The following GLIS3 variants were observed in gnomAD, a reference collection of about 807,000 sequenced individuals.
The protein encoded by GLIS3 is GLIS family zinc finger 3.
GLIS3 carries 53 observed loss-of-function variants against 78.6 expected under a neutral mutation model. The observed-to-expected ratio is 0.67, with a 90% CI of 0.54 to 0.85. The LOEUF (loss-of-function observed/expected upper bound fraction) is 0.85. GLIS3 is among the 40% of genes least tolerant of loss of function. The pLI is 0.00. For missense variants in GLIS3, 1,703 were observed against 1,231.1 expected, an observed-to-expected ratio of 1.38 and a Z score of -5.74; for synonymous variants, 684 against 509.9, an observed-to-expected ratio of 1.34 and a Z score of -4.60.
chr9:4,293,774 T>G (rs561531034), intron 1 of GLIS3, among the ~76,000 whole-genome samples: 1 of 152,344 alleles, frequency 6.6e-6, no homozygotes, highest in African/African-American at 2.4e-5. Flanking sequence ...GGACAGGATC[T>G]GATCTTGCAT....
chr9:4,051,046 G>A (rs988633045), intron 4 of GLIS3, among the ~76,000 whole-genome samples: 2 of 152,204 alleles, frequency 1.3e-5, no homozygotes, highest in African/African-American at 4.8e-5. Flanking sequence ...TAAGGCACAT[G>A]TTTCAGAGGA....
chr9:3,849,227 G>A (rs1224036555), intron 9 of GLIS3, among the ~76,000 whole-genome samples: 1 of 152,216 alleles, frequency 6.6e-6, no homozygotes, highest in African/African-American at 2.4e-5. Context: ...GACTTCCAAG[G>A]AAGGATATGA....
At chr9:4,333,585 T>C (rs951267070) in intron 2 of GLIS3, among the ~76,000 whole-genome samples, 2 of 152,138 alleles carry the variant, frequency 1.3e-5, no homozygotes, top group Admixed American at 6.5e-5. Context: ...CATGAAACAA[T>C]AGTTCAGAAA....
chr9:3,952,616 G>A (rs771572644), intron 4 of GLIS3, among the ~76,000 whole-genome samples: 9 of 151,994 alleles, frequency 5.9e-5, no homozygotes, highest in Admixed American at 1.3e-4. Context: ...ACAAATTCTG[G>A]GATTGATGAA....
At chr9:4,474,077 TC>T in the GLIS3 span, among the ~76,000 whole-genome samples, 1 of 152,198 alleles carries the variant, frequency 6.6e-6, no homozygotes, top group African/African-American at 2.4e-5. Context: ...AAAGTGTTTT[TC>T]TGTGTACATC....
the GLIS3 span, among the ~76,000 whole-genome samples, chr9:4,462,063 T>C: frequency 2.6e-5 from 4 of 152,236 alleles, no homozygotes; most frequent in African/African-American, 9.6e-5. Flanking sequence ...TGAGTTGGCA[T>C]GTCTGTGTTA....
At chr9:3,854,543 C>CTTTTT (rs34558832) in intron 9 of GLIS3, among the ~76,000 whole-genome samples, 1 of 145,658 alleles carries the variant, frequency 6.9e-6, no homozygotes, top group Admixed American at 6.8e-5. Flanking sequence ...CGTTGATGTT[C>CTTTTT]TTTTTTTTTT....
At chr9:4,206,107 C>T (rs1819857826) in intron 2 of GLIS3, among the ~76,000 whole-genome samples, 1 of 152,158 alleles carries the variant, frequency 6.6e-6, no homozygotes, top group South Asian at 2.1e-4. Context: ...CCCCCATTTT[C>T]AAATTATGAA....
intron 2 of GLIS3, among the ~76,000 whole-genome samples, chr9:4,229,539 G>A (rs773455993): frequency 4.6e-5 from 7 of 152,278 alleles, no homozygotes; most frequent in Non-Finnish European, 7.3e-5. Context: ...ATCCTTAAAC[G>A]TAAAGTATTC....
intron 4 of GLIS3, among the ~76,000 whole-genome samples, chr9:3,955,546 T>C (rs181493837): frequency 6.6e-6 from 1 of 152,130 alleles, no homozygotes; most frequent in East Asian, 1.9e-4. Context: ...AAAAACATCA[T>C]ACCAATGAAA....
In GLIS3 at chr9:4,118,558, G is replaced by T; in HGVS notation, c.920C>A (p.Pro307Gln). ...RSKKRALSLS[P>Q]LSDGIGIDFN... is the part of the protein sequence containing the mutation. ...ATCTATCCCGATGCCATCGGACAGC[G>T]GGGACAAGGACAGCGCTCTCTTCTT... The change falls in exon 4 of 11, where the codon CCG (proline) becomes CAG (glutamine). Residue 307 changes from proline to glutamine, a missense_variant. Transcript: ENST00000381971. This position sits in a 1 kb window ranked among gnomAD's most constrained non-coding sequence, Gnocchi z 4.7. 2 of 1,614,254 alleles carry T rather than the reference G, an allele frequency of 1.2e-6. No individual in the cohort carries two copies. Among genetic ancestry groups the T allele is most frequent in the South Asian group, 2.2e-5 (2 of 91,090 alleles).
Position 4,118,224 on chromosome 9 carries a change from C to T in GLIS3, c.1254G>A (p.Pro418=). ...GGCCGGCCGACTGGCTGTCGGGGCCCGGCAGGCCATGCTGCACCACCATGT... is the reference window on the plus strand; with the variant it reads ...GGCCGGCCGACTGGCTGTCGGGGCCTGGCAGGCCATGCTGCACCACCATGT... The part of the protein sequence containing the change: ...VNHMVVQHGL[P]GPDSQSAGLF... Residue 418 remains proline, a synonymous_variant, in exon 4 of 11, where the codon CCG becomes CCA. Coordinates refer to ENST00000381971, the MANE Select transcript of GLIS3 (RefSeq NM_001042413.2). This position sits in a 1 kb window ranked among gnomAD's most constrained non-coding sequence, Gnocchi z 4.7. 2 of 1,586,222 alleles carry T rather than the reference C, an allele frequency of 1.3e-6. No homozygotes were observed. Among genetic ancestry groups the T allele is most frequent in the Non-Finnish European group, 1.7e-6 (2 of 1,166,588 alleles).
At chr9:4,410,739 G>T in the GLIS3 span, among the ~76,000 whole-genome samples, 1 of 152,194 alleles carries the variant, frequency 6.6e-6, no homozygotes, top group African/African-American at 2.4e-5. Flanking sequence ...GCATTACTCT[G>T]ATAGGTACTC....
rs192580066 is a variant in GLIS3 at position 3,910,877 on chromosome 9, C to G, written c.1984-12042G>C. ...ACTTACTAAAACATCAGTCCCTGCTCTCTCATATAACATGTTATTCCATTC... is the reference window on the plus strand; with the variant it reads ...ACTTACTAAAACATCAGTCCCTGCTGTCTCATATAACATGTTATTCCATTC... On this transcript the variant is annotated intron_variant, in intron 6 of 10. Coordinates refer to ENST00000381971, the MANE Select transcript of GLIS3 (RefSeq NM_001042413.2). Among the ~76,000 whole-genome samples, 394 of 152,344 alleles carry G rather than the reference C, an allele frequency of 2.6e-3. 1 individual carries two copies. The highest frequency in any genetic ancestry group is 4.2e-3 in the Non-Finnish European group (287 of 68,028).
intron 4 of GLIS3, among the ~76,000 whole-genome samples, chr9:4,044,321 G>C (rs1479337189): frequency 2.0e-5 from 3 of 152,160 alleles, no homozygotes; most frequent in Non-Finnish European, 2.9e-5. Context: ...ATACAGATCT[G>C]TACGAAGACT....
chr9:4,471,685 C>T, the GLIS3 span, among the ~76,000 whole-genome samples: 1 of 152,164 alleles, frequency 6.6e-6, no homozygotes, highest in Non-Finnish European at 1.5e-5. Flanking sequence ...CCATTCAAGC[C>T]ATCGGCATGG....
intron 9 of GLIS3, among the ~76,000 whole-genome samples, chr9:3,845,247 A>G (rs1304795838): frequency 6.6e-6 from 1 of 152,220 alleles, no homozygotes; most frequent in Non-Finnish European, 1.5e-5. Context: ...TCTATATGCA[A>G]TGACCTGGAA....
intron 6 of GLIS3, among the ~76,000 whole-genome samples, chr9:3,919,951 A>G (rs1418139109): frequency 1.3e-5 from 2 of 151,554 alleles, no homozygotes; most frequent in Admixed American, 6.6e-5. Flanking sequence ...CTGTTATTTC[A>G]TAACTAAGGA....
At chr9:4,302,923 CA>C (rs1011630628), upstream of GLIS3, among the ~76,000 whole-genome samples, 1 of 152,048 alleles carries the variant, frequency 6.6e-6, no homozygotes, top group Admixed American at 6.6e-5. Flanking sequence ...AAGTGATAAG[CA>C]AAGGAGACCA....
Sources: allele counts gnomAD v4.1 joint callset (sites outside exome capture counted in the v4.1 genomes callset), GRCh38; gene constraint gnomAD v4.1.1; non-coding constraint Gnocchi (gnomAD v3.1); transcripts MANE v1.5; gene names NCBI Gene and HGNC (gene_info 2026-07-23, HGNC 2026-07-21).